The following SGCZ variants were observed in gnomAD, a reference collection of about 807,000 sequenced individuals.
SGCZ encodes the protein sarcoglycan zeta, also known as zeta-sarcoglycan.
In SGCZ, 40 loss-of-function variants were observed where a neutral mutation model predicts 41.3. The ratio of observed to expected loss-of-function variants is 0.97; its 90% CI spans 0.75 to 1.26. SGCZ has a LOEUF of 1.26. SGCZ is among the 50% of genes most tolerant of loss of function. The pLI is 0.00. For synonymous variants in SGCZ, 206 were observed against 137.5 expected, an observed-to-expected ratio of 1.50 and a Z score of -3.49; for missense variants, 552 against 369.8, an observed-to-expected ratio of 1.49 and a Z score of -4.04.
chr8:14,727,321 T>G (rs925401756), intron 1 of SGCZ, among the ~76,000 whole-genome samples: 4 of 152,144 alleles, frequency 2.6e-5, no homozygotes, highest in African/African-American at 9.7e-5. Context: ...TTAGACAGTT[T>G]CACCGTACCA....
At chr8:15,103,483 G>C (rs1806695846) in intron 1 of SGCZ, among the ~76,000 whole-genome samples, 1 of 152,018 alleles carries the variant, frequency 6.6e-6, no homozygotes, top group Non-Finnish European at 1.5e-5. Context: ...AAAATCTCTT[G>C]TAAAACAAAT....
intron 1 of SGCZ, among the ~76,000 whole-genome samples, chr8:15,114,629 A>T (rs1807198643): frequency 6.6e-6 from 1 of 152,174 alleles, no homozygotes; most frequent in African/African-American, 2.4e-5. Flanking sequence ...AACTAATCGG[A>T]ACTGGCTCTT....
intron 1 of SGCZ, among the ~76,000 whole-genome samples, chr8:14,691,625 A>AC (rs1318696779): frequency 6.6e-6 from 1 of 152,114 alleles, no homozygotes; most frequent in African/African-American, 2.4e-5. Flanking sequence ...CCTAAAAAAA[A>AC]AGGAATATTT....
intron 3 of SGCZ, among the ~76,000 whole-genome samples, chr8:14,254,174 C>T (rs1365212675): frequency 5.3e-5 from 8 of 151,950 alleles, no homozygotes; most frequent in Non-Finnish European, 1.0e-4. Context: ...TCAGCTTGTT[C>T]CTAGAGGTGA....
At chr8:14,973,010 A>G (rs1162471713) in intron 1 of SGCZ, among the ~76,000 whole-genome samples, 1 of 151,870 alleles carries the variant, frequency 6.6e-6, no homozygotes, top group Non-Finnish European at 1.5e-5. Context: ...GGTAATGTTT[A>G]TTTTATCACA....
chr8:14,682,002 A>G (rs1486539839), intron 1 of SGCZ, among the ~76,000 whole-genome samples: 4 of 152,150 alleles, frequency 2.6e-5, no homozygotes, highest in African/African-American at 9.7e-5. Context: ...CAGAGAACGA[A>G]TTTGAAGCAC....
intron 3 of SGCZ, among the ~76,000 whole-genome samples, chr8:14,317,485 A>T (rs1235382192): frequency 2.6e-5 from 4 of 152,018 alleles, no homozygotes; most frequent in Admixed American, 2.0e-4. Context: ...GAAAATTGCC[A>T]GATTATATAC....
chr8:14,408,602 A>G (rs1799273796), intron 2 of SGCZ, among the ~76,000 whole-genome samples: 1 of 152,088 alleles, frequency 6.6e-6, no homozygotes, highest in African/African-American at 2.4e-5. Context: ...AAATCAGTTT[A>G]TATCACACCC....
intron 3 of SGCZ, among the ~76,000 whole-genome samples, chr8:14,301,842 T>C (rs1211847415): frequency 6.6e-6 from 1 of 152,164 alleles, no homozygotes; most frequent in Non-Finnish European, 1.5e-5. Flanking sequence ...ATCTATCTCT[T>C]TTAGAAAATG....
At chr8:15,132,275 A>C (rs758774102) in intron 1 of SGCZ, among the ~76,000 whole-genome samples, 3 of 152,200 alleles carry the variant, frequency 2.0e-5, no homozygotes, top group Non-Finnish European at 4.4e-5. Context: ...GCAGCATCAT[A>C]ATCTTTTACT....
intron 1 of SGCZ, among the ~76,000 whole-genome samples, chr8:14,683,876 C>G (rs147654989): frequency 6.6e-6 from 1 of 152,120 alleles, no homozygotes; most frequent in Non-Finnish European, 1.5e-5. Context: ...CTGATACACA[C>G]TTAAACGTAC....
rs565594339 is a variant in SGCZ, at chr8:14,853,836, A to T, written c.40-298910T>A. On this transcript the variant is annotated intron_variant, in intron 1 of 7. Coordinates refer to ENST00000382080, the MANE Select transcript of SGCZ (RefSeq NM_139167.4). ...TCTGTTCTTTCTTCAGATGAACCAG[A>T]AGACCAATTTAGTCCCAATATCCAA... is the stretch of plus-strand genomic sequence containing the variant. Among the ~76,000 whole-genome samples the T allele has an allele frequency of 3.3e-5, 5 of 151,988 alleles. No individual in the cohort carries two copies. The East Asian group carries it at 9.7e-4, about 30-fold the overall frequency.
At chr8:14,209,956 T>C (rs1805745758) in intron 4 of SGCZ, among the ~76,000 whole-genome samples, 1 of 152,188 alleles carries the variant, frequency 6.6e-6, no homozygotes, top group African/African-American at 2.4e-5. Flanking sequence ...ATTTATTTAC[T>C]TCTATGTGAA....
chr8:15,221,455 C>T (rs540741482), intron 1 of SGCZ, among the ~76,000 whole-genome samples: 1 of 152,104 alleles, frequency 6.6e-6, no homozygotes, highest in African/African-American at 2.4e-5. Context: ...AGCTGTGTAC[C>T]GCACTTGGTG....
intron 2 of SGCZ, among the ~76,000 whole-genome samples, chr8:14,389,791 C>G (rs1463316791): frequency 6.6e-6 from 1 of 151,938 alleles, no homozygotes; most frequent in Non-Finnish European, 1.5e-5. Flanking sequence ...AAAAAAATAA[C>G]TATGACTAAT....
intron 1 of SGCZ, among the ~76,000 whole-genome samples, chr8:14,709,545 G>C (rs1478430300): frequency 6.6e-6 from 1 of 152,080 alleles, no homozygotes; most frequent in African/African-American, 2.4e-5. Flanking sequence ...CAATAGGTTT[G>C]CTAATTCGCT....
chr8:14,942,471 A>T (rs1000425307), intron 1 of SGCZ, among the ~76,000 whole-genome samples: 2 of 152,162 alleles, frequency 1.3e-5, no homozygotes, highest in Non-Finnish European at 2.9e-5. Flanking sequence ...TTCCTATAGG[A>T]TGATATAAAT....
At chr8:14,444,530 GA>G (rs1800373398) in intron 2 of SGCZ, among the ~76,000 whole-genome samples, 1 of 151,958 alleles carries the variant, frequency 6.6e-6, no homozygotes. Context: ...GATGAAATTG[GA>G]AATCATCATT....
chr8:14,949,871 G>A (rs985533412), intron 1 of SGCZ, among the ~76,000 whole-genome samples: 8 of 152,060 alleles, frequency 5.3e-5, no homozygotes, highest in African/African-American at 1.9e-4. Context: ...TTCATCCAAA[G>A]TATAAAAGAG....
Sources: allele counts gnomAD v4.1 joint callset (sites outside exome capture counted in the v4.1 genomes callset), GRCh38; gene constraint gnomAD v4.1.1; transcripts MANE v1.5; gene names NCBI Gene and HGNC (gene_info 2026-07-23, HGNC 2026-07-21).